The following SRPK2 variants were observed in gnomAD, a reference collection of about 807,000 sequenced individuals.
The protein encoded by SRPK2 is SFRS protein kinase 2.
In SRPK2, 21 loss-of-function variants were observed where a neutral mutation model predicts 90.8. That is an observed-to-expected ratio of 0.23 (90% CI 0.16 to 0.33). SRPK2 has a LOEUF of 0.33. Among genes scored for constraint, SRPK2 ranks in the 10% least tolerant of loss-of-function variants. The probability of loss-of-function intolerance (pLI) is 1.00; values close to 1 mark genes in which losing one functional copy is unlikely to be tolerated. For synonymous variants in SRPK2, 288 were observed against 311.1 expected (o/e 0.93, Z 0.78); for missense variants, 620 against 869.0 (o/e 0.71, Z 3.60).
At position 105,338,758 on chromosome 7, in the gene SRPK2, T is replaced by C. The variant is rs990093353; in HGVS notation, c.71+49890A>G. 3.2e-4 allele frequency among the ~76,000 whole-genome samples: 49 copies of C among 152,248 alleles called. 1 individual carries two copies. Among genetic ancestry groups the C allele is most frequent in the Admixed American group, 3.1e-3 (47 of 15,286 alleles). ...TTCATTGTATATATCCAATAAATTA[T>C]TGTTGAAATATTTCACTTTTTTCCT... On this transcript the variant is annotated intron_variant, in intron 2 of 15. Transcript: ENST00000393651.
intron 2 of SRPK2, among the ~76,000 whole-genome samples, chr7:105,220,494 C>A (rs1374554573): frequency 6.6e-6 from 1 of 152,002 alleles, no homozygotes; most frequent in Admixed American, 6.6e-5. Context: ...CCACTGCACT[C>A]CAGCCTGGCG....
intron 2 of SRPK2, among the ~76,000 whole-genome samples, chr7:105,373,789 G>GTGCTTTAAATGTCTCCT (rs1190712699): frequency 5.3e-5 from 8 of 152,220 alleles, no homozygotes; most frequent in African/African-American, 1.9e-4. Flanking sequence ...ACTGTCGTAA[G>GTGCTTTAAATGTCTCCT]TGCTTTAAAT....
chr7:105,157,735 T>C (rs1480316843), intron 7 of SRPK2, among the ~76,000 whole-genome samples: 2 of 152,098 alleles, frequency 1.3e-5, no homozygotes, highest in Admixed American at 1.3e-4. Flanking sequence ...ATAAGAGCTC[T>C]TTCTAAGTTT....
In SRPK2 at chr7:105,145,218, A is replaced by G. The variant is rs1804410503; in HGVS notation, c.813+65T>C. The stretch of plus-strand genomic sequence containing the variant: ...AATACACAACTTTTTTATAATTTGA[A>G]CAACTCAATAATAAACGGTCTCTTT... On this transcript the variant is annotated intron_variant, in intron 9 of 15. Coordinates refer to ENST00000393651, the MANE Select transcript of SRPK2 (RefSeq NM_182692.3). 8 of 1,292,682 alleles carry G rather than the reference A, an allele frequency of 6.2e-6. No homozygotes were observed. The Admixed American group carries it at 2.2e-4, about 36-fold the overall frequency. The allele number at this position is 1,292,682 out of a possible 1,614,324, so 80.1% of individuals were successfully genotyped here.
At chr7:105,186,896 G>A (rs916281806) in intron 3 of SRPK2, among the ~76,000 whole-genome samples, 32 of 152,264 alleles carry the variant, frequency 2.1e-4, no homozygotes, top group Non-Finnish European at 3.8e-4. Flanking sequence ...ATGGATAGGT[G>A]CTCCATAAGG....
intron 2 of SRPK2, among the ~76,000 whole-genome samples, chr7:105,241,816 G>A (rs1387965800): frequency 2.0e-5 from 3 of 151,640 alleles, no homozygotes; most frequent in East Asian, 3.9e-4. Context: ...TCTCCTCCCA[G>A]CAAAATGACC....
intron 2 of SRPK2, among the ~76,000 whole-genome samples, chr7:105,260,121 T>C (rs1803992241): frequency 1.3e-5 from 2 of 151,938 alleles, no homozygotes; most frequent in Non-Finnish European, 2.9e-5. Flanking sequence ...GGGAGAAAAT[T>C]TTTACAATCT....
At chr7:105,180,594 A>T (rs1017355572) in intron 3 of SRPK2, among the ~76,000 whole-genome samples, 1 of 151,978 alleles carries the variant, frequency 6.6e-6, no homozygotes, top group Non-Finnish European at 1.5e-5. Context: ...TGTCTCTACT[A>T]AAAAAATACA....
At chr7:105,209,582 G>A (rs1248514386) in intron 2 of SRPK2, among the ~76,000 whole-genome samples, 1 of 151,044 alleles carries the variant, frequency 6.6e-6, no homozygotes, top group Non-Finnish European at 1.5e-5. Context: ...AAGGAAAGGG[G>A]AAAGGGAAGG....
At chr7:105,331,352 A>C (rs1431062321) in intron 2 of SRPK2, among the ~76,000 whole-genome samples, 1 of 146,834 alleles carries the variant, frequency 6.8e-6, no homozygotes, top group Non-Finnish European at 1.5e-5. Flanking sequence ...TAGTTATTAC[A>C]CAATTAATCT....
upstream of SRPK2, chr7:105,388,969 C>T (rs1822008469): frequency 1.8e-6 from 2 of 1,112,278 alleles, no homozygotes; most frequent in South Asian, 8.6e-5. Flanking sequence ...GCAAGACCCG[C>T]CCCCGTCCGG....
intron 2 of SRPK2, among the ~76,000 whole-genome samples, chr7:105,323,965 CTTTGTGTGTGTGTG>C (rs1563238202): frequency 9.1e-6 from 1 of 110,422 alleles, no homozygotes; most frequent in African/African-American, 3.6e-5. Flanking sequence ...TCAGACTATT[CTTTGTGTGTGTGTG>C]TGTGTGTGTG....
chr7:105,174,446 C>T (rs147605453), intron 3 of SRPK2, among the ~76,000 whole-genome samples: 228 of 152,068 alleles, frequency 1.5e-3, no homozygotes, highest in African/African-American at 5.3e-3. Flanking sequence ...TTAAGTATTA[C>T]CTGAGTTCCG....
chr7:105,257,622 C>T (rs147908335), intron 2 of SRPK2, among the ~76,000 whole-genome samples: 18 of 152,190 alleles, frequency 1.2e-4, no homozygotes, highest in African/African-American at 4.3e-4. Context: ...CCCTTGTAAA[C>T]ACAGAGAGCA....
At chr7:105,346,370 G>A (rs1159665211) in intron 2 of SRPK2, among the ~76,000 whole-genome samples, 6 of 152,012 alleles carry the variant, frequency 3.9e-5, no homozygotes, top group African/African-American at 1.5e-4. Context: ...AACAGCTCCT[G>A]CTTGTCACCT....
intron 2 of SRPK2, among the ~76,000 whole-genome samples, chr7:105,287,187 G>T (rs1203306245): frequency 6.9e-6 from 1 of 144,614 alleles, no homozygotes; most frequent in East Asian, 2.1e-4. Flanking sequence ...CGTGAACCCG[G>T]GAGGCGGAGC....
chr7:105,331,582 C>G (rs1043142739), intron 2 of SRPK2, among the ~76,000 whole-genome samples: 4 of 152,068 alleles, frequency 2.6e-5, no homozygotes. Context: ...AAAGTTCACT[C>G]CTTCAATAAC....
intron 6 of SRPK2, among the ~76,000 whole-genome samples, chr7:105,162,937 G>A (rs955196105): frequency 1.4e-4 from 21 of 152,304 alleles, no homozygotes; most frequent in South Asian, 6.2e-4. Context: ...CTTGCAAGTC[G>A]GACACAGAAG....
In SRPK2 at chr7:105,203,731, T is replaced by C. The variant is rs373157530; in HGVS notation, c.126A>G (p.Pro42=). 5.8e-6 allele frequency: 9 copies of C among 1,559,658 alleles called. No homozygotes were observed. The African/African-American group carries it at 6.8e-5, about 12-fold the overall frequency. The change falls in exon 3 of 16, where the codon CCA becomes CCG. Residue 42 remains proline, a synonymous_variant. Transcript: ENST00000393651. ...PLVPPPPPPP[P]PPPPPLPDPT... is the part of the protein sequence containing the mutation. Reference sequence around the variant, plus strand: ...GGTCTGGCAAAGGTGGCGGTGGTGGTGGTGGTGGCGGTGGAGGAGGAGGAA... The same window carrying C: ...GGTCTGGCAAAGGTGGCGGTGGTGGCGGTGGTGGCGGTGGAGGAGGAGGAA...
Sources: allele counts gnomAD v4.1 joint callset (sites outside exome capture counted in the v4.1 genomes callset), GRCh38; gene constraint gnomAD v4.1.1; transcripts MANE v1.5; gene names NCBI Gene and HGNC (gene_info 2026-07-23, HGNC 2026-07-21).